EPB41L5: variants seen among roughly 807,000 people sequenced by gnomAD.
EPB41L5 encodes erythrocyte membrane protein band 4.1 like 5, also known as band 4.1-like protein 5.
Under a neutral mutation model 106.6 loss-of-function variants are expected in EPB41L5, and 55 were observed. The observed-to-expected ratio is 0.52, with a 90% CI of 0.42 to 0.65. The LOEUF (loss-of-function observed/expected upper bound fraction) is 0.65. Ranked by LOEUF, EPB41L5 falls within the 30% of genes least tolerant of loss-of-function variation. EPB41L5 has a pLI of 0.00. For synonymous variants in EPB41L5, 297 were observed against 306.7 expected (o/e 0.97, Z 0.33); for missense variants, 871 against 882.1 (o/e 0.99, Z 0.16).
chr2:120,061,116 C>T (rs1328123089), intron 3 of EPB41L5, among the ~76,000 whole-genome samples: 1 of 134,692 alleles, frequency 7.4e-6, no homozygotes, highest in African/African-American at 2.7e-5. Context: ...TCTCAGCTTA[C>T]TACAGCCTCT....
At chr2:120,033,555 A>G (rs1678851073) in intron 2 of EPB41L5, among the ~76,000 whole-genome samples, 1 of 151,892 alleles carries the variant, frequency 6.6e-6, no homozygotes, top group Non-Finnish European at 1.5e-5. Context: ...TAAAAATACA[A>G]AATTAGCCGG....
At chr2:120,150,306 CTTTGCTCA>C (rs1686614656) in intron 20 of EPB41L5, among the ~76,000 whole-genome samples, 1 of 151,774 alleles carries the variant, frequency 6.6e-6, no homozygotes, top group Admixed American at 6.6e-5. Context: ...TATTCAAGTC[CTTTGCTCA>C]TTTTTTATTT....
intron 14 of EPB41L5, 73 bp from the exon 15 acceptor site, chr2:120,100,167 GTGTA>G (rs1459654687): frequency 2.9e-6 from 3 of 1,022,940 alleles, no homozygotes; most frequent in Non-Finnish European, 4.4e-6. Context: ...TATTTTATTA[GTGTA>G]TGTGTTATCT....
At chr2:120,081,988 A>T (rs1031018219) in intron 10 of EPB41L5, among the ~76,000 whole-genome samples, 1 of 152,188 alleles carries the variant, frequency 6.6e-6, no homozygotes, top group Non-Finnish European at 1.5e-5. Flanking sequence ...GAAGTTCCTT[A>T]TCAGCTTAAG....
At chr2:120,091,534 C>T in intron 12 of EPB41L5, 21 bp from the exon 13 acceptor site, 1 of 1,581,756 alleles carries the variant, frequency 6.3e-7, no homozygotes, top group Non-Finnish European at 8.7e-7. Context: ...ATTTCCCTTA[C>T]TTCTGTTATG....
At chr2:120,111,019 C>G (rs1308492069) in intron 16 of EPB41L5, among the ~76,000 whole-genome samples, 1 of 152,068 alleles carries the variant, frequency 6.6e-6, no homozygotes, top group East Asian at 1.9e-4. Context: ...TTTCACAAAA[C>G]CTAAGAAATT....
At chr2:120,086,852 C>T (rs994222596) in intron 10 of EPB41L5, among the ~76,000 whole-genome samples, 1 of 152,090 alleles carries the variant, frequency 6.6e-6, no homozygotes, top group Non-Finnish European at 1.5e-5. Context: ...TCTGCTTTAA[C>T]ACTGGAACAA....
At chr2:120,112,281 T>C (rs1684758864) in intron 16 of EPB41L5, among the ~76,000 whole-genome samples, 1 of 152,210 alleles carries the variant, frequency 6.6e-6, no homozygotes, top group Non-Finnish European at 1.5e-5. Context: ...CATAACCCTA[T>C]TGGGTAAGTC....
In EPB41L5 at chr2:120,104,978, A is replaced by G. The variant is rs373653696; in HGVS notation, c.1337+4164A>G. The G allele has an allele frequency of 2.6e-5, 26 of 984,378 alleles. 1 individual carries two copies. In the East Asian group the frequency reaches 1.0e-3, roughly 39 times the overall value. The allele number at this position is 984,378 out of a possible 1,614,324, so 61.0% of individuals were successfully genotyped here. A position where few individuals can be genotyped will look rare whatever the true frequency, so the allele number is the denominator to read the frequency against. ...ACTACTGAATGGTTCTATAAAATGAAAAACATATTTACTTTGTCTTTTCAT... is the reference window on the plus strand; with the variant it reads ...ACTACTGAATGGTTCTATAAAATGAGAAACATATTTACTTTGTCTTTTCAT... On this transcript the variant is annotated intron_variant, in intron 16 of 24. Coordinates refer to ENST00000263713, the MANE Select transcript of EPB41L5 (RefSeq NM_020909.4).
At chr2:120,091,474 C>A in intron 12 of EPB41L5, 81 bp from the exon 13 acceptor site, 3 of 911,502 alleles carry the variant, frequency 3.3e-6, no homozygotes, top group Non-Finnish European at 5.3e-6. Context: ...TTAAGGAGAA[C>A]CTGAATGTGG....
At chr2:120,130,743 G>A (rs1456766308) in intron 17 of EPB41L5, among the ~76,000 whole-genome samples, 2 of 152,358 alleles carry the variant, frequency 1.3e-5, no homozygotes, top group African/African-American at 4.8e-5. Context: ...CTGGGAATGA[G>A]CGTTTCTTGA....
chr2:120,024,651 G>A (rs1022377091), intron 2 of EPB41L5, among the ~76,000 whole-genome samples: 2 of 152,060 alleles, frequency 1.3e-5, no homozygotes, highest in Admixed American at 6.5e-5. Flanking sequence ...AGTAGAGATG[G>A]GGTTTCACCG....
At chr2:120,086,043 A>T (rs1220500565) in intron 10 of EPB41L5, among the ~76,000 whole-genome samples, 3 of 152,080 alleles carry the variant, frequency 2.0e-5, no homozygotes, top group Non-Finnish European at 4.4e-5. Context: ...TAAAAATACT[A>T]AGATTAGCCA....
intron 3 of EPB41L5, among the ~76,000 whole-genome samples, chr2:120,046,452 G>C (rs1237942914): frequency 4.0e-5 from 6 of 150,972 alleles, no homozygotes; most frequent in South Asian, 2.1e-4. Context: ...GCATAAATGT[G>C]TTCTTTTGAG....
chr2:120,073,051 T>G (rs72841604), intron 3 of EPB41L5, 127 bp from the exon 4 acceptor site: 47,865 of 765,064 alleles, frequency 0.063, 1,826 homozygotes, highest in Non-Finnish European at 0.078. Context: ...TTCACTTGGG[T>G]TTTTCTCTTG....
chr2:120,114,880 TGAAA>T (rs1684880185), intron 16 of EPB41L5, among the ~76,000 whole-genome samples: 1 of 152,246 alleles, frequency 6.6e-6, no homozygotes, highest in East Asian at 1.9e-4. Context: ...GCTCATAAAG[TGAAA>T]GAACTATTGT....
At chr2:120,033,822 G>A (rs1329943477) in intron 2 of EPB41L5, among the ~76,000 whole-genome samples, 5 of 151,974 alleles carry the variant, frequency 3.3e-5, no homozygotes, top group Non-Finnish European at 7.4e-5. Context: ...GCCCAGGTGT[G>A]ATGGCTCACG....
intron 2 of EPB41L5, among the ~76,000 whole-genome samples, chr2:120,027,832 C>T (rs1678437901): frequency 6.6e-6 from 1 of 152,186 alleles, no homozygotes; most frequent in Non-Finnish European, 1.5e-5. Context: ...ATGTGACTTA[C>T]AGCTCAGTGA....
chr2:120,075,017 G>A (rs964547294), intron 5 of EPB41L5, among the ~76,000 whole-genome samples: 19 of 152,070 alleles, frequency 1.2e-4, no homozygotes, highest in African/African-American at 4.1e-4. Flanking sequence ...TAATAGAGAC[G>A]GGGTTTCGCC....
Sources: allele counts gnomAD v4.1 joint callset (sites outside exome capture counted in the v4.1 genomes callset), GRCh38; gene constraint gnomAD v4.1.1; transcripts MANE v1.5; gene names NCBI Gene and HGNC (gene_info 2026-07-23, HGNC 2026-07-21).